The following DNAH6 variants were observed in gnomAD, a reference collection of about 807,000 sequenced individuals.
DNAH6 encodes axonemal beta dynein heavy chain 6.
DNAH6 carries 340 observed loss-of-function variants against 491.4 expected under a neutral mutation model. The observed-to-expected ratio is 0.69, with a 90% CI of 0.63 to 0.76. The LOEUF is 0.76. Ranked by LOEUF, DNAH6 falls within the 30% of genes least tolerant of loss-of-function variation. The probability of loss-of-function intolerance (pLI) is 0.00; values close to 1 mark genes in which losing one functional copy is unlikely to be tolerated. For missense variants in DNAH6, 4,443 were observed against 4,972.2 expected (o/e 0.89, Z 3.20); for synonymous variants, 1,603 against 1,686.1 (o/e 0.95, Z 1.21).
the DNAH6 span, among the ~76,000 whole-genome samples, chr2:84,504,194 C>A: frequency 6.6e-6 from 1 of 152,156 alleles, no homozygotes; most frequent in Non-Finnish European, 1.5e-5. Context: ...TTAAAGGACT[C>A]TAATGCATTC....
chr2:84,575,598 G>C (rs943810806), intron 12 of DNAH6, among the ~76,000 whole-genome samples: 5 of 151,890 alleles, frequency 3.3e-5, no homozygotes, highest in African/African-American at 1.2e-4. Context: ...ACCGTTTTAC[G>C]TACTGCCTCT....
At chr2:84,667,136 A>G (rs1177304175) in intron 37 of DNAH6, among the ~76,000 whole-genome samples, 1 of 152,242 alleles carries the variant, frequency 6.6e-6, no homozygotes, top group Non-Finnish European at 1.5e-5. Context: ...ACCTAAAACC[A>G]TAAAAACCCT....
intron 64 of DNAH6, chr2:84,778,281 G>C: frequency 1.8e-6 from 1 of 565,428 alleles, no homozygotes; most frequent in South Asian, 1.9e-5. Flanking sequence ...TCGGTGGCAT[G>C]TGGCAATGAG....
At chr2:84,490,088 C>T in the DNAH6 span, among the ~76,000 whole-genome samples, 1 of 152,142 alleles carries the variant, frequency 6.6e-6, no homozygotes, top group African/African-American at 2.4e-5. Context: ...CAGTTTTTTA[C>T]ATTTTTTTAA....
At chr2:84,699,489 C>T (rs1695686889) in intron 47 of DNAH6, 105 bp from the exon 48 acceptor site, 1 of 968,596 alleles carries the variant, frequency 1.0e-6, no homozygotes, top group South Asian at 1.7e-5. Flanking sequence ...ACTATGCTGA[C>T]ATTTTATATT....
Position 84,673,354 on chromosome 2 carries a change from G to A in DNAH6, c.6612+870G>A, listed in dbSNP as rs193131951. ...ATGGAAAGATCCCCTTGGCTGCAGG[G>A]GAGGGATGAGCTAACGAGGAGGCAA... On this transcript the variant is annotated intron_variant, in intron 40 of 76. Transcript: ENST00000389394. Among the ~76,000 whole-genome samples the A allele has an allele frequency of 4.4e-4, 67 of 152,270 alleles. 1 individual carries two copies. The East Asian group carries it at 0.011, about 25-fold the overall frequency.
At chr2:84,583,081 G>A (rs1307948032) in intron 14 of DNAH6, among the ~76,000 whole-genome samples, 1 of 152,186 alleles carries the variant, frequency 6.6e-6, no homozygotes, top group Non-Finnish European at 1.5e-5. Flanking sequence ...GGTATCCCTT[G>A]CCAGAAAATT....
chr2:84,666,712 T>C (rs1692164243), intron 37 of DNAH6, among the ~76,000 whole-genome samples: 1 of 152,202 alleles, frequency 6.6e-6, no homozygotes, highest in South Asian at 2.1e-4. Flanking sequence ...CCCATCAAGC[T>C]ACCAATGACT....
At chr2:84,677,934 A>C (rs1198719968) in intron 41 of DNAH6, among the ~76,000 whole-genome samples, 1 of 152,148 alleles carries the variant, frequency 6.6e-6, no homozygotes, top group East Asian at 1.9e-4. Flanking sequence ...AGAATAAGAC[A>C]GTTCAGGTGA....
chr2:84,817,160 A>G (rs1680566523), intron 76 of DNAH6, among the ~76,000 whole-genome samples: 1 of 152,152 alleles, frequency 6.6e-6, no homozygotes, highest in Non-Finnish European at 1.5e-5. Context: ...AGATATACCA[A>G]AGTGATACTT....
intron 71 of DNAH6, among the ~76,000 whole-genome samples, chr2:84,806,618 CA>C (rs1162301447): frequency 0.025 from 968 of 38,508 alleles, no homozygotes; most frequent in South Asian, 0.077. Flanking sequence ...GACTCAGTCT[CA>C]AAAAAAAAAA....
intron 18 of DNAH6, among the ~76,000 whole-genome samples, chr2:84,598,613 T>C (rs72941046): frequency 6.6e-6 from 1 of 152,164 alleles, no homozygotes; most frequent in Non-Finnish European, 1.5e-5. Flanking sequence ...ATTTTGGCTT[T>C]TCACTAGCAA....
intron 8 of DNAH6, among the ~76,000 whole-genome samples, chr2:84,549,300 A>T (rs1249204932): frequency 6.6e-6 from 1 of 152,258 alleles, no homozygotes; most frequent in Non-Finnish European, 1.5e-5. Flanking sequence ...AACAGAAATC[A>T]GTGAAGCGGT....
upstream of DNAH6, among the ~76,000 whole-genome samples, chr2:84,512,459 A>T (rs1675373255): frequency 6.6e-6 from 1 of 152,208 alleles, no homozygotes; most frequent in Non-Finnish European, 1.5e-5. Context: ...TCTCTGCATT[A>T]CGTCTCCATT....
At position 84,621,325 on chromosome 2, in the gene DNAH6, A is replaced by G. The variant is rs1432487510; in HGVS notation, c.3927A>G (p.Thr1309=). ...AIADYQGKLR[T]DWVVAGHPSQ... is the part of the protein sequence containing the mutation. ...CTGACTATCAGGGGAAACTGAGGAC[A>G]GACTGGGTGGTTGCTGGCCACCCTT... The change falls in exon 25 of 77, where the codon ACA becomes ACG. Residue 1309 remains threonine, a synonymous_variant. Coordinates refer to ENST00000389394, the MANE Select transcript of DNAH6 (RefSeq NM_001370.2). The G allele has an allele frequency of 6.4e-7, 1 of 1,551,596 alleles. No homozygotes were observed. The highest frequency in any genetic ancestry group is 8.7e-7 in the Non-Finnish European group (1 of 1,146,878).
intron 4 of DNAH6, among the ~76,000 whole-genome samples, chr2:84,534,920 T>A (rs1346973327): frequency 1.3e-5 from 2 of 152,026 alleles, no homozygotes; most frequent in Non-Finnish European, 2.9e-5. Context: ...GAATAACAGA[T>A]TTAGCATTAG....
Position 84,701,117 on chromosome 2 carries a change from T to C in DNAH6, c.7839T>C (p.Leu2613=). 6.4e-7 allele frequency: 1 copy of C among 1,551,396 alleles called. No homozygotes were observed. The highest frequency in any genetic ancestry group is 8.7e-7 in the Non-Finnish European group (1 of 1,146,458). Residue 2613 remains leucine, a synonymous_variant, in exon 49 of 77, where the codon CTT becomes CTC. Transcript: ENST00000389394. The part of the protein sequence containing the change: ...WFVQWPREAL[L]SVSKTFFSQV... The stretch of plus-strand genomic sequence containing the variant: ...CACAGTGGCCCAGAGAAGCACTTCT[T>C]TCTGTGTCAAAGACATTTTTCTCAC...
chr2:84,572,325 A>G (rs1025190758), intron 11 of DNAH6, among the ~76,000 whole-genome samples: 1 of 152,224 alleles, frequency 6.6e-6, no homozygotes, highest in Non-Finnish European at 1.5e-5. Context: ...TCTTTGTACT[A>G]TTCCAGTAAC....
At chr2:84,752,577 C>T (rs1673570598) in intron 63 of DNAH6, among the ~76,000 whole-genome samples, 1 of 151,868 alleles carries the variant, frequency 6.6e-6, no homozygotes, top group Non-Finnish European at 1.5e-5. Context: ...TTTAATAACC[C>T]CCCGAAAAAA....
Sources: allele counts gnomAD v4.1 joint callset (sites outside exome capture counted in the v4.1 genomes callset), GRCh38; gene constraint gnomAD v4.1.1; transcripts MANE v1.5; gene names NCBI Gene and HGNC (gene_info 2026-07-23, HGNC 2026-07-21).